MRNIP: variants seen among roughly 807,000 people sequenced by gnomAD.
MRNIP encodes the protein MRN complex-interacting protein.
In MRNIP, 30 loss-of-function variants were observed where a neutral mutation model predicts 29.8. The observed-to-expected ratio is 1.01, with a 90% CI of 0.75 to 1.36. The LOEUF (loss-of-function observed/expected upper bound fraction) is 1.36, where lower values mean the gene tolerates loss of function less well. MRNIP is among the 40% of genes most tolerant of loss of function. MRNIP has a pLI of 0.00. For missense variants in MRNIP, 459 were observed against 423.5 expected (o/e 1.08, Z -0.74); for synonymous variants, 201 against 164.1 (o/e 1.23, Z -1.72).
chr5:179,840,789 T>C, intron 6 of MRNIP, 83 bp downstream of exon 6: 1 of 1,071,468 alleles, frequency 9.3e-7, no homozygotes, highest in Non-Finnish European at 1.4e-6. Context: ...AATCGCACAC[T>C]TCGTCAACTG....
At position 179,837,573 on chromosome 5, in the gene MRNIP, G is replaced by A. The variant is rs1309332857; in HGVS notation, c.850C>T (p.Gln284Ter). The change falls in exon 7 of 7, where the codon CAG (glutamine) becomes TAG (stop). Residue 284 changes from glutamine to a stop codon, truncating the protein, a stop_gained. Coordinates refer to ENST00000292586, the MANE Select transcript of MRNIP (RefSeq NM_016175.4). LOFTEE classifies it low-confidence loss of function (END_TRUNC). Reference sequence around the variant, plus strand: ...ACGGGGTGTGTGGCCCGAGGAAGCTGGACAGCGGCAGTGGGCCTGCTGAGG... The same window carrying A: ...ACGGGGTGTGTGGCCCGAGGAAGCTAGACAGCGGCAGTGGGCCTGCTGAGG... ...EGLSRPTAAVQLPRATHPVTS... is the reference protein window; with the variant it reads ...EGLSRPTAAV 1 of 1,614,186 alleles carries A rather than the reference G, an allele frequency of 6.2e-7. No homozygotes were observed. Among genetic ancestry groups the A allele is most frequent in the Non-Finnish European group, 8.5e-7 (1 of 1,180,008 alleles).
chr5:179,846,923 AG>A (rs1461514171), intron 3 of MRNIP: 2 of 152,010 alleles, frequency 1.3e-5, no homozygotes, highest in East Asian at 1.9e-4. Context: ...TTGTCTTCTG[AG>A]GGCCTCCTGC....
intron 5 of MRNIP, 21 bp from the exon 6 acceptor site, chr5:179,840,980 G>A: frequency 6.4e-7 from 1 of 1,551,292 alleles, no homozygotes; most frequent in Non-Finnish European, 8.8e-7. Context: ...AGGACCGTCA[G>A]TAGTCCCGTG....
Position 179,840,944 on chromosome 5 carries a change from G to A in MRNIP, c.465C>T (p.Ser155=), listed in dbSNP as rs1758855176. The A allele has an allele frequency of 1.2e-6, 2 of 1,607,702 alleles. No individual in the cohort carries two copies. Among genetic ancestry groups the A allele is most frequent in the Non-Finnish European group, 8.5e-7 (1 of 1,177,364 alleles). The change falls in exon 6 of 7, where the codon AGC becomes AGT. Residue 155 remains serine (S), a synonymous_variant. Coordinates refer to ENST00000292586, the MANE Select transcript of MRNIP (RefSeq NM_016175.4). ...CACGGCTGCACGGAGGCTGGACGGTGCTCCTGCTCCACTTCCTGTCAGGAC... is the reference window on the plus strand; with the variant it reads ...CACGGCTGCACGGAGGCTGGACGGTACTCCTGCTCCACTTCCTGTCAGGAC... ...DLPRKRKWSR[S]TVQPPCSRGV... is the part of the protein sequence containing the mutation.
At chr5:179,841,884 T>G in intron 5 of MRNIP, 23 bp downstream of exon 5, 1 of 1,611,550 alleles carries the variant, frequency 6.2e-7, no homozygotes, top group Non-Finnish European at 8.5e-7. Context: ...GGGCCAGGGC[T>G]GGAACGGAGA....
Position 179,837,435 on chromosome 5 carries a change from A to G in MRNIP, c.988T>C (p.Cys330Arg). 1 of 1,608,410 alleles carries G rather than the reference A, an allele frequency of 6.2e-7. No homozygotes were observed. The highest frequency in any genetic ancestry group is 8.5e-7 in the Non-Finnish European group (1 of 1,176,758). Reference protein sequence around the residue: ...EAQNPRPTRLCDLFITGEDFD... With the variant: ...EAQNPRPTRLRDLFITGEDFD... ...TCTTCCCCAGTTATAAAGAGGTCAC[A>G]TAGTCGTGTGGGTCGAGGATTCTGT... The change falls in exon 7 of 7, where the codon TGT (cysteine) becomes CGT (arginine). Residue 330 changes from cysteine to arginine, a missense_variant. Cys to Arg is a radical substitution (Grantham distance 180, BLOSUM62 -3). Transcript: ENST00000292586.
At chr5:179,844,527 A>C (rs1759048246) in intron 3 of MRNIP, among the ~76,000 whole-genome samples, 1 of 152,074 alleles carries the variant, frequency 6.6e-6, no homozygotes, top group African/African-American at 2.4e-5. Context: ...GCTCAGGTGG[A>C]TCCTCCCACC....
In MRNIP at chr5:179,837,804, C is replaced by G. The variant is rs1758672550; in HGVS notation, c.619G>C (p.Glu207Gln). ...QENSADCSAG[E>Q]LRGPGKELWS... is the part of the protein sequence containing the mutation. ...AGCTCCTTCCCAGGACCCCTCAGCT[C>G]CCCGGCACTGCAGTCTGCAGAGTTC... Residue 207 changes from glutamate (E) to glutamine (Q), a missense_variant, in exon 7 of 7, where the codon GAG becomes CAG. Transcript: ENST00000292586. The G allele has an allele frequency of 6.2e-7, 1 of 1,613,918 alleles. No homozygotes were observed. The highest frequency in any genetic ancestry group is 1.1e-5 in the South Asian group (1 of 91,092).
intron 1 of MRNIP, among the ~76,000 whole-genome samples, chr5:179,854,730 G>C (rs540133842): frequency 6.6e-6 from 1 of 151,976 alleles, no homozygotes; most frequent in South Asian, 2.1e-4. Flanking sequence ...AAAACACTCC[G>C]TAAGACTCAA....
chr5:179,856,552 C>A (rs543850936), intron 1 of MRNIP, among the ~76,000 whole-genome samples: 2 of 152,318 alleles, frequency 1.3e-5, no homozygotes, highest in South Asian at 4.1e-4. Flanking sequence ...TCACTGCAAC[C>A]TCTACCTCCT....
chr5:179,852,695 T>TA (rs910629873), intron 2 of MRNIP, among the ~76,000 whole-genome samples: 4 of 151,904 alleles, frequency 2.6e-5, no homozygotes, highest in African/African-American at 9.7e-5. Flanking sequence ...CACATGGCTG[T>TA]AGAAGGAGAG....
chr5:179,851,228 G>C (rs1341988620), intron 2 of MRNIP: 1 of 455,544 alleles, frequency 2.2e-6, no homozygotes, highest in Non-Finnish European at 4.4e-6. Context: ...CTCACCATGT[G>C]GGGTGTCTGC....
intron 1 of MRNIP, among the ~76,000 whole-genome samples, chr5:179,858,383 C>A (rs1393700281): frequency 6.6e-6 from 1 of 152,116 alleles, no homozygotes; most frequent in Non-Finnish European, 1.5e-5. Context: ...GCGGCGCGCT[C>A]GGTCTCTAAG....
At chr5:179,850,992 G>A in intron 2 of MRNIP, 1 of 321,832 alleles carries the variant, frequency 3.1e-6, no homozygotes, top group South Asian at 2.6e-5. Context: ...GGATCCCTGA[G>A]CAACCACATC....
At chr5:179,854,415 C>A (rs1759499269) in intron 1 of MRNIP, among the ~76,000 whole-genome samples, 2 of 152,170 alleles carry the variant, frequency 1.3e-5, no homozygotes, top group South Asian at 4.1e-4. Context: ...AAAGGTGGTA[C>A]TTTAAAAGTG....
intron 4 of MRNIP, among the ~76,000 whole-genome samples, chr5:179,843,041 A>AGAAGAGGAAGGAAGGAAGGAAG (rs1554093091): frequency 9.4e-6 from 1 of 106,202 alleles, no homozygotes; most frequent in Non-Finnish European, 1.8e-5. Flanking sequence ...AAAGGAGGAA[A>AGAAGAGGAAGGAAGGAAGGAAG]GAAGGAAGGA....
chr5:179,840,645 C>T lies in MRNIP; in HGVS notation c.537+227G>A, dbSNP rs187452314. On this transcript the variant is annotated intron_variant, in intron 6 of 6. Transcript: ENST00000292586. ...CAGTTTCTCCAAGGGTCACAATGCT[C>T]TTTGGTCCTGAGTTACCCTCATGGG... 8.0e-5 allele frequency: 47 copies of T among 590,780 alleles called. No individual in the cohort carries two copies. The Admixed American group carries it at 1.1e-3, about 14-fold the overall frequency. The allele number at this position is 590,780 out of a possible 1,614,324, so 36.6% of individuals were successfully genotyped here. A position where few individuals can be genotyped will look rare whatever the true frequency, so the allele number is the denominator to read the frequency against.
At chr5:179,858,216 G>T (rs577659189) in intron 1 of MRNIP, among the ~76,000 whole-genome samples, 1 of 152,278 alleles carries the variant, frequency 6.6e-6, no homozygotes, top group Admixed American at 6.5e-5. Context: ...AGGCAAATAT[G>T]TCCTAGAAAC....
Position 179,844,160 on chromosome 5 carries a change from T to G in MRNIP, c.283A>C (p.Lys95Gln). 6.2e-7 allele frequency: 1 copy of G among 1,614,150 alleles called. No individual in the cohort carries two copies. Among genetic ancestry groups the G allele is most frequent in the South Asian group, 1.1e-5 (1 of 91,076 alleles). Residue 95 changes from lysine (K) to glutamine (Q), a missense_variant, in exon 4 of 7, where the codon AAG becomes CAG. Transcript: ENST00000292586. ...NVGHQQAGNV[K>Q]QQEKSQPSES... ...GTGGGCCTGAGGCTTACCTGCTGCTTCACATTCCCAGCCTGCTGGTGTCCC... is the reference window on the plus strand; with the variant it reads ...GTGGGCCTGAGGCTTACCTGCTGCTGCACATTCCCAGCCTGCTGGTGTCCC...
Sources: allele counts gnomAD v4.1 joint callset (sites outside exome capture counted in the v4.1 genomes callset), GRCh38; gene constraint gnomAD v4.1.1; transcripts MANE v1.5; gene names NCBI Gene and HGNC (gene_info 2026-07-23, HGNC 2026-07-21).